The following MTF1 variants were observed in gnomAD, a reference collection of about 807,000 sequenced individuals.
The protein encoded by MTF1 is metal regulatory transcription factor 1.
A neutral mutation model predicts 70.4 loss-of-function variants in MTF1; 22 were observed. That is an observed-to-expected ratio of 0.31 (90% CI 0.22 to 0.45). MTF1 has a LOEUF of 0.45. MTF1 is among the 20% of genes least tolerant of loss of function. The pLI is 1.00. For synonymous variants in MTF1, 333 were observed against 352.8 expected (o/e 0.94, Z 0.63); for missense variants, 649 against 922.0 (o/e 0.70, Z 3.83).
At chr1:37,850,651 C>T (rs746926311) in intron 2 of MTF1, among the ~76,000 whole-genome samples, 11 of 151,880 alleles carry the variant, frequency 7.2e-5, no homozygotes, top group African/African-American at 2.7e-4. Flanking sequence ...GAATAAGATA[C>T]GTGAAATTCG....
At chr1:37,839,825 G>C (rs1641228921) in intron 3 of MTF1, 95 bp downstream of exon 3, 1 of 977,304 alleles carries the variant, frequency 1.0e-6, no homozygotes, top group Admixed American at 2.0e-5. Context: ...TTAAAGCCCT[G>C]AAAGTGAAAA....
rs574700792 is a variant in MTF1 at position 37,811,782 on chromosome 1, C to G, written c.*3354G>C. 2 of 152,498 alleles carry G rather than the reference C, an allele frequency of 1.3e-5. No individual in the cohort carries two copies. Among genetic ancestry groups the G allele is most frequent in the Admixed American group, 1.3e-4 (2 of 15,310 alleles). 9.4% of individuals were successfully genotyped at this position (152,498 alleles called of 1,614,324 possible). On this transcript the variant is annotated 3_prime_UTR_variant, in exon 11 of 11. Transcript: ENST00000373036. ...CTTTTACTCAGAGAGATCTTCACAT[C>G]TTAAGGCCCCTCCTGGGCTTTGTAC...
At chr1:37,844,325 C>T (rs1013567333) in intron 2 of MTF1, among the ~76,000 whole-genome samples, 9 of 152,174 alleles carry the variant, frequency 5.9e-5, no homozygotes, top group Non-Finnish European at 1.0e-4. Context: ...TGCCTAGTTC[C>T]TTCCTTCTCC....
rs778456735 is a variant in MTF1 at position 37,838,641 on chromosome 1, C to G, written c.763G>C (p.Gly255Arg). ...DLRKHIRTHT[G>R]EKPFRCDHDG... ...AAGACCTACCGAAATGGCTTTTCCC[C>G]TGTATGAGTTCGAATGTGCTTCCTC... The change falls in exon 4 of 11, where the codon GGG becomes CGG. Residue 255 changes from glycine to arginine, a missense_variant. Physicochemically the swap from Gly to Arg is moderately radical, Grantham distance 125. Coordinates refer to ENST00000373036, the MANE Select transcript of MTF1 (RefSeq NM_005955.3). 1 of 1,612,330 alleles carries G rather than the reference C, an allele frequency of 6.2e-7. No homozygotes were observed. The highest frequency in any genetic ancestry group is 8.5e-7 in the Non-Finnish European group (1 of 1,178,794).
chr1:37,850,078 A>C (rs981368465), intron 2 of MTF1, among the ~76,000 whole-genome samples: 9 of 151,638 alleles, frequency 5.9e-5, no homozygotes, highest in East Asian at 2.0e-4. Flanking sequence ...CTACCAAAAC[A>C]ACCACCAAAA....
At position 37,812,520 on chromosome 1, in the gene MTF1, C is replaced by G. The variant is rs1640752571; in HGVS notation, c.*2616G>C. 6.6e-6 allele frequency: 1 copy of G among 152,222 alleles called. No homozygotes were observed. Among genetic ancestry groups the G allele is most frequent in the Non-Finnish European group, 1.5e-5 (1 of 68,070 alleles). The allele number at this position is 152,222 out of a possible 1,614,324, so 9.4% of individuals were successfully genotyped here. On this transcript the variant is annotated 3_prime_UTR_variant, in exon 11 of 11. Transcript: ENST00000373036. ...AACTGGAAAAATCTGTCAGCCTAAA[C>G]ACTGTTTAAGATGCTGCTTCGTCAC...
Position 37,857,650 on chromosome 1 carries a change from T to A in MTF1, c.9A>T (p.Glu3Asp). The change falls in exon 2 of 11, where the codon GAA (glutamate) becomes GAT (aspartate). Residue 3 changes from glutamate to aspartate, a missense_variant. Glu to Asp is a conservative substitution (Grantham distance 45). Transcript: ENST00000373036. Reference protein sequence around the residue: MGEHSPDNNIIYF... With the variant: MGDHSPDNNIIYF... ...AGATGATGTTGTTGTCTGGACTGTG[T>A]TCCCCCATGGTTCAGTTGTGCTCAG... 2.5e-6 allele frequency: 4 copies of A among 1,613,740 alleles called. No individual in the cohort carries two copies. The highest frequency in any genetic ancestry group is 3.4e-6 in the Non-Finnish European group (4 of 1,179,910).
chr1:37,855,008 G>A (rs1282045825), intron 2 of MTF1, among the ~76,000 whole-genome samples: 5 of 152,068 alleles, frequency 3.3e-5, no homozygotes, highest in Non-Finnish European at 7.4e-5. Flanking sequence ...GCAGTGAGCC[G>A]GGATCACGCC....
chr1:37,836,403 C>G (rs1312460994), intron 4 of MTF1, among the ~76,000 whole-genome samples: 1 of 152,076 alleles, frequency 6.6e-6, no homozygotes, highest in African/African-American at 2.4e-5. Flanking sequence ...AGCAAAGTGG[C>G]TCTCAAATAT....
At chr1:37,833,225 A>G (rs1442119671) in intron 6 of MTF1, among the ~76,000 whole-genome samples, 2 of 152,152 alleles carry the variant, frequency 1.3e-5, no homozygotes, top group Non-Finnish European at 2.9e-5. Context: ...AAATTGCCAC[A>G]AACTTATATT....
At chr1:37,838,511 G>T in intron 4 of MTF1, 114 bp downstream of exon 4, 1 of 874,124 alleles carries the variant, frequency 1.1e-6, no homozygotes, top group Non-Finnish European at 1.7e-6. Flanking sequence ...AGCTAACACT[G>T]CTAAATCAAG....
chr1:37,844,106 A>G (rs985750189), intron 2 of MTF1, among the ~76,000 whole-genome samples: 2 of 152,146 alleles, frequency 1.3e-5, no homozygotes, highest in African/African-American at 4.8e-5. Context: ...CACACATTCC[A>G]TCTCTCTGCT....
chr1:37,835,579 T>C, intron 5 of MTF1, 92 bp downstream of exon 5: 1 of 945,532 alleles, frequency 1.1e-6, no homozygotes, highest in Non-Finnish European at 1.7e-6. Flanking sequence ...ATATACAGGA[T>C]CTATATCTCT....
At chr1:37,823,852 A>G (rs1640961361) in intron 7 of MTF1, 40 bp from the exon 8 acceptor site, 1 of 1,443,380 alleles carries the variant, frequency 6.9e-7, no homozygotes, top group African/African-American at 1.4e-5. Context: ...GGCCATCTTG[A>G]GACAATTCTT....
rs1276218666 is a variant in MTF1, at chr1:37,822,254, G to T, written c.1634C>A (p.Thr545Asn). The T allele has an allele frequency of 6.2e-7, 1 of 1,614,076 alleles. No homozygotes were observed. The highest frequency in any genetic ancestry group is 8.5e-7 in the Non-Finnish European group (1 of 1,180,048). The change falls in exon 9 of 11, where the codon ACT (threonine) becomes AAT (asparagine). Residue 545 changes from threonine (T) to asparagine (N), a missense_variant. Physicochemically the swap from Thr to Asn is moderately conservative, Grantham distance 65. This residue lies in a region of MTF1 where 267 missense variants were observed against 292.1 expected (regional missense o/e 0.91). Transcript: ENST00000373036. ...GGTGATGGTTATTGTGGGATTATTAGTTAGGACAGAGTTGGCACCCAGGGG... is the reference window on the plus strand; with the variant it reads ...GGTGATGGTTATTGTGGGATTATTATTTAGGACAGAGTTGGCACCCAGGGG... ...TLPLGANSVL[T>N]NNPTITITPT...
chr1:37,845,488 T>G (rs1408190169), intron 2 of MTF1, among the ~76,000 whole-genome samples: 3 of 152,152 alleles, frequency 2.0e-5, no homozygotes, highest in Non-Finnish European at 4.4e-5. Flanking sequence ...AAAGTATTTG[T>G]TTGATTTTTA....
chr1:37,848,448 A>C (rs558617874), intron 2 of MTF1, among the ~76,000 whole-genome samples: 3 of 152,342 alleles, frequency 2.0e-5, no homozygotes, highest in African/African-American at 7.2e-5. Flanking sequence ...TTTGCACATC[A>C]CAGAAGAAAC....
At chr1:37,834,675 C>G (rs991936240) in intron 6 of MTF1, 2 of 459,250 alleles carry the variant, frequency 4.4e-6, no homozygotes, top group Non-Finnish European at 8.7e-6. Context: ...CAACAGTAGA[C>G]TGAATGAAGT....
intron 7 of MTF1, chr1:37,828,295 G>A (rs1282527181): frequency 7.7e-6 from 3 of 391,676 alleles, no homozygotes; most frequent in Non-Finnish European, 1.5e-5. Flanking sequence ...TGCTGGGAAT[G>A]TTATTTTGTT....
Sources: allele counts gnomAD v4.1 joint callset (sites outside exome capture counted in the v4.1 genomes callset), GRCh38; gene constraint gnomAD v4.1.1; regional missense constraint gnomAD v4.1.1; transcripts MANE v1.5; gene names NCBI Gene and HGNC (gene_info 2026-07-23, HGNC 2026-07-21).